Variants in NELL2 observed in about 807,000 individuals in gnomAD.
NELL2 encodes the protein neural EGFL like 2.
A neutral mutation model predicts 109.6 loss-of-function variants in NELL2; 41 were observed. The observed-to-expected ratio is 0.37, with a 90% CI of 0.29 to 0.49. NELL2 has a LOEUF of 0.49. Among genes scored for constraint, NELL2 ranks in the 20% least tolerant of loss-of-function variants. NELL2 has a pLI of 0.98. For synonymous variants in NELL2, 355 were observed against 344.7 expected (o/e 1.03, Z -0.33); for missense variants, 900 against 1,008.3 (o/e 0.89, Z 1.45).
At chr12:44,594,125 A>C (rs2136229293) in intron 15 of NELL2, among the ~76,000 whole-genome samples, 1 of 150,060 alleles carries the variant, frequency 6.7e-6, no homozygotes, top group East Asian at 2.0e-4. Context: ...GGAACATCAC[A>C]CACCGGGGCC....
In NELL2 at chr12:44,651,935, G is replaced by A. The variant is rs566797130; in HGVS notation, c.1444+13549C>T. On this transcript the variant is annotated intron_variant, in intron 13 of 19. Coordinates refer to ENST00000429094, the MANE Select transcript of NELL2 (RefSeq NM_001145108.2). ...CAGCTGTAATTGATAGTTGAGGTAC[G>A]GCAATGCAGATCCAAAATTAATAGG... Among the ~76,000 whole-genome samples, 6 of 152,172 alleles carry A rather than the reference G, an allele frequency of 3.9e-5. No individual in the cohort carries two copies. In the East Asian group the frequency reaches 5.8e-4, roughly 15 times the overall value.
intron 3 of NELL2, among the ~76,000 whole-genome samples, chr12:44,790,083 C>G (rs1942324654): frequency 6.6e-6 from 1 of 152,156 alleles, no homozygotes; most frequent in Non-Finnish European, 1.5e-5. Context: ...CTTCCCTGGC[C>G]TTGCTGGAGA....
chr12:44,543,517 A>G (rs963655172), intron 15 of NELL2, among the ~76,000 whole-genome samples: 7 of 152,128 alleles, frequency 4.6e-5, no homozygotes, highest in African/African-American at 1.7e-4. Context: ...TTCATGGAGA[A>G]TTTTAGGAGG....
At chr12:44,912,544 G>A (rs1218088451) in intron 1 of NELL2, among the ~76,000 whole-genome samples, 1 of 152,068 alleles carries the variant, frequency 6.6e-6, no homozygotes, top group Non-Finnish European at 1.5e-5. Flanking sequence ...CTAATGTTCT[G>A]TGGGAATGTA....
intron 3 of NELL2, among the ~76,000 whole-genome samples, chr12:44,804,852 T>C (rs1942948068): frequency 6.6e-6 from 1 of 151,884 alleles, no homozygotes; most frequent in Admixed American, 6.6e-5. Context: ...GTTATTATAC[T>C]CTGAGTTGCA....
chr12:44,742,063 T>A (rs904766936), intron 9 of NELL2, among the ~76,000 whole-genome samples: 32 of 152,016 alleles, frequency 2.1e-4, no homozygotes, highest in African/African-American at 7.2e-4. Flanking sequence ...CACCCCCCAG[T>A]AGGGGTGGAC....
intron 15 of NELL2, among the ~76,000 whole-genome samples, chr12:44,575,860 C>T (rs1157997507): frequency 6.6e-6 from 1 of 152,166 alleles, no homozygotes; most frequent in Non-Finnish European, 1.5e-5. Flanking sequence ...CTTTGAGTAA[C>T]TCAAATCTGA....
chr12:44,747,118 C>A (rs1385382570), intron 9 of NELL2, among the ~76,000 whole-genome samples: 1 of 152,142 alleles, frequency 6.6e-6, no homozygotes, highest in Non-Finnish European at 1.5e-5. Flanking sequence ...ACTATGCAGC[C>A]ATAAAACGTG....
At chr12:44,913,881 T>C in exon 1 of NELL2, 1 of 608,110 alleles carries the variant, frequency 1.6e-6, no homozygotes, top group South Asian at 2.2e-5. Context: ...ACTTTTAGAT[T>C]GAATAAAGCA....
At chr12:44,686,141 C>T (rs1173693700) in intron 12 of NELL2, among the ~76,000 whole-genome samples, 1 of 152,034 alleles carries the variant, frequency 6.6e-6, no homozygotes, top group Non-Finnish European at 1.5e-5. Flanking sequence ...TCTAAACTTC[C>T]CTTCTCGCTT....
At chr12:44,579,550 C>T (rs1047515834) in intron 15 of NELL2, among the ~76,000 whole-genome samples, 23 of 152,264 alleles carry the variant, frequency 1.5e-4, no homozygotes, top group African/African-American at 5.3e-4. Flanking sequence ...GATGTTGACT[C>T]TAAAATTTAT....
intron 2 of NELL2, among the ~76,000 whole-genome samples, chr12:44,819,495 G>A (rs1468112890): frequency 6.6e-6 from 1 of 152,246 alleles, no homozygotes; most frequent in African/African-American, 2.4e-5. Context: ...TGTCAGGCAT[G>A]TTGATGAGGG....
At chr12:44,723,032 C>T (rs893675613) in intron 9 of NELL2, among the ~76,000 whole-genome samples, 1 of 151,778 alleles carries the variant, frequency 6.6e-6, no homozygotes, top group Non-Finnish European at 1.5e-5. Flanking sequence ...ACTAAAAATA[C>T]AAAAAAATTA....
chr12:44,574,899 T>A (rs186083045), intron 15 of NELL2, among the ~76,000 whole-genome samples: 189 of 152,352 alleles, frequency 1.2e-3, no homozygotes, highest in Non-Finnish European at 1.9e-3. Context: ...CATTCCCTGT[T>A]TCTCTGCTTT....
At chr12:44,918,250 T>C (rs1055587044), upstream of NELL2, among the ~76,000 whole-genome samples, 11 of 152,202 alleles carry the variant, frequency 7.2e-5, no homozygotes, top group African/African-American at 2.7e-4. Flanking sequence ...AGATCCTATA[T>C]GGTGTTAATC....
At position 44,834,638 on chromosome 12, in the gene NELL2, G is replaced by A. The variant is rs1309924991; in HGVS notation, c.185-18502C>T. 3.9e-5 allele frequency among the ~76,000 whole-genome samples: 6 copies of A among 152,268 alleles called. No homozygotes were observed. The South Asian group carries it at 1.2e-3, about 32-fold the overall frequency. On this transcript the variant is annotated intron_variant, in intron 2 of 19. Coordinates refer to ENST00000429094, the MANE Select transcript of NELL2 (RefSeq NM_001145108.2). ...GCACTAAGGCCACTGCCCTGCAAGA[G>A]GTCAGGCCCCTGCCTGCCCTACTCG...
At chr12:44,605,997 T>C (rs957333360) in intron 15 of NELL2, among the ~76,000 whole-genome samples, 1 of 152,154 alleles carries the variant, frequency 6.6e-6, no homozygotes, top group Non-Finnish European at 1.5e-5. Context: ...GTGACTCTCA[T>C]GCACAATAAA....
chr12:44,871,202 G>A (rs757874302), intron 2 of NELL2, among the ~76,000 whole-genome samples: 1 of 151,984 alleles, frequency 6.6e-6, no homozygotes, highest in Non-Finnish European at 1.5e-5. Flanking sequence ...CTTCAAAGAT[G>A]GTTTCCCTGA....
At chr12:44,814,014 G>C (rs950552932) in intron 3 of NELL2, among the ~76,000 whole-genome samples, 1 of 152,200 alleles carries the variant, frequency 6.6e-6, no homozygotes, top group Non-Finnish European at 1.5e-5. Flanking sequence ...TTTGCAGATT[G>C]CAAGAAGTCT....
Sources: allele counts gnomAD v4.1 joint callset (sites outside exome capture counted in the v4.1 genomes callset), GRCh38; gene constraint gnomAD v4.1.1; transcripts MANE v1.5; gene names NCBI Gene and HGNC (gene_info 2026-07-23, HGNC 2026-07-21).